KAZN: variants seen among roughly 807,000 people sequenced by gnomAD.
KAZN encodes kazrin, periplakin interacting protein.
A neutral mutation model predicts 87.4 loss-of-function variants in KAZN; 40 were observed. The observed-to-expected ratio is 0.46, with a 90% CI of 0.36 to 0.60. The LOEUF is 0.60. Ranked by LOEUF, KAZN falls within the 20% of genes least tolerant of loss-of-function variation. KAZN has a pLI of 0.00. For missense variants in KAZN, 898 were observed against 1,073.9 expected (o/e 0.84, Z 2.29); for synonymous variants, 466 against 458.3 (o/e 1.02, Z -0.22).
intron 1 of KAZN, among the ~76,000 whole-genome samples, chr1:14,114,030 C>T (rs1644556376): frequency 6.6e-6 from 1 of 152,170 alleles, no homozygotes; most frequent in South Asian, 2.1e-4. Flanking sequence ...CAGGGGAGGG[C>T]ACTCTTCTCT....
chr1:14,475,095 T>C (rs1668647600), intron 2 of KAZN, among the ~76,000 whole-genome samples: 1 of 151,940 alleles, frequency 6.6e-6, no homozygotes, highest in Admixed American at 6.6e-5. Context: ...ATTGGATGCA[T>C]AGATGACGGA....
chr1:14,793,374 G>A (rs1012219438), intron 1 of KAZN, among the ~76,000 whole-genome samples: 35 of 152,272 alleles, frequency 2.3e-4, no homozygotes, highest in African/African-American at 7.2e-4. Context: ...GTGCTTCGTG[G>A]CTGACTTCTG....
intron 2 of KAZN, among the ~76,000 whole-genome samples, chr1:14,291,634 C>T (rs575853265): frequency 6.6e-6 from 1 of 152,302 alleles, no homozygotes; most frequent in African/African-American, 2.4e-5. Context: ...TGACCCCTTG[C>T]ACTTCCTGGG....
At chr1:14,122,382 C>T (rs1644770480) in intron 1 of KAZN, among the ~76,000 whole-genome samples, 1 of 152,162 alleles carries the variant, frequency 6.6e-6, no homozygotes, top group African/African-American at 2.4e-5. Context: ...CCTGGAGCCA[C>T]TTTTGGATCT....
intron 2 of KAZN, among the ~76,000 whole-genome samples, chr1:14,301,575 C>A (rs1557626197): frequency 6.6e-6 from 1 of 152,222 alleles, no homozygotes; most frequent in Non-Finnish European, 1.5e-5. Flanking sequence ...TTTGACAAGG[C>A]GGCTCTGCCT....
chr1:14,100,315 C>T (rs1027896218), intron 1 of KAZN, among the ~76,000 whole-genome samples: 7 of 152,266 alleles, frequency 4.6e-5, no homozygotes, highest in East Asian at 1.9e-4. Flanking sequence ...ATCCGCAGCT[C>T]GACCTCAGAT....
At chr1:14,390,267 C>T (rs1294792922) in intron 2 of KAZN, among the ~76,000 whole-genome samples, 1 of 152,122 alleles carries the variant, frequency 6.6e-6, no homozygotes. Flanking sequence ...GGCTCTTGTA[C>T]ATCTGGAGCT....
chr1:14,815,460 C>G (rs912183440), intron 1 of KAZN, among the ~76,000 whole-genome samples: 2 of 152,128 alleles, frequency 1.3e-5, no homozygotes, highest in Non-Finnish European at 2.9e-5. Flanking sequence ...TGATAATCTT[C>G]CAACAACCCT....
intron 10 of KAZN, among the ~76,000 whole-genome samples, chr1:15,097,929 G>A: frequency 6.6e-6 from 1 of 152,190 alleles, no homozygotes; most frequent in Admixed American, 6.5e-5. Flanking sequence ...TGCTGCCTTT[G>A]TGTTAAAAAC....
chr1:14,928,252 C>A (rs1026410246), intron 1 of KAZN, among the ~76,000 whole-genome samples: 2 of 152,086 alleles, frequency 1.3e-5, no homozygotes, highest in South Asian at 4.1e-4. Context: ...AGATCGAGAC[C>A]ATCCTGGCTA....
intron 2 of KAZN, among the ~76,000 whole-genome samples, chr1:14,977,147 C>T (rs982842524): frequency 2.6e-5 from 4 of 152,232 alleles, no homozygotes; most frequent in Admixed American, 2.6e-4. Context: ...GCGGTGATTC[C>T]CCTGGGAGGG....
chr1:14,772,099 A>C (rs1645035763), intron 1 of KAZN, among the ~76,000 whole-genome samples: 1 of 152,132 alleles, frequency 6.6e-6, no homozygotes. Flanking sequence ...GGTCTATCTC[A>C]GGCTTTCTCT....
intron 1 of KAZN, among the ~76,000 whole-genome samples, chr1:14,148,220 T>C (rs11586283): frequency 0.4 from 61,344 of 151,532 alleles, 12,736 homozygotes; most frequent in Middle Eastern, 0.5. Context: ...AAACACAAAC[T>C]TGAGGTGCTA....
chr1:14,259,526 C>G (rs544539753), intron 2 of KAZN, among the ~76,000 whole-genome samples: 4 of 152,186 alleles, frequency 2.6e-5, no homozygotes, highest in African/African-American at 9.6e-5. Flanking sequence ...AGCCTCACCC[C>G]CCAAGTGGCC....
At chr1:14,855,681 T>C (rs1650015820) in intron 1 of KAZN, among the ~76,000 whole-genome samples, 1 of 152,228 alleles carries the variant, frequency 6.6e-6, no homozygotes, top group Non-Finnish European at 1.5e-5. Context: ...TAGCTCATAT[T>C]GAACTGCTCC....
intron 2 of KAZN, among the ~76,000 whole-genome samples, chr1:14,364,256 G>C (rs775165347): frequency 1.3e-5 from 2 of 152,092 alleles, no homozygotes; most frequent in African/African-American, 2.4e-5. Context: ...GAGTCACTGG[G>C]TTAAAACTCC....
intron 2 of KAZN, among the ~76,000 whole-genome samples, chr1:14,544,699 A>G (rs1673032144): frequency 6.6e-6 from 1 of 151,810 alleles, no homozygotes; most frequent in South Asian, 2.1e-4. Flanking sequence ...ATTAAGGGAA[A>G]CTAAGGATGC....
chr1:13,961,687 G>T (rs1306178060), intron 1 of KAZN, among the ~76,000 whole-genome samples: 1 of 152,164 alleles, frequency 6.6e-6, no homozygotes, highest in African/African-American at 2.4e-5. Context: ...CTACTACTTT[G>T]TTATAGTAGC....
rs1411565662 is a variant in KAZN at position 14,184,458 on chromosome 1, G to C, written c.249+3866G>C. On this transcript the variant is annotated intron_variant, in intron 2 of 16. Transcript: ENST00000636203. This position sits in a 1 kb window ranked among gnomAD's most constrained non-coding sequence, Gnocchi z 4.2. Reference sequence around the variant, plus strand: ...CTTTCTTTCTGTTATTTGTGTTCGGGGAACTGGAAAGCACATTTGCCAAAA... The same window carrying C: ...CTTTCTTTCTGTTATTTGTGTTCGGCGAACTGGAAAGCACATTTGCCAAAA... 6.6e-6 allele frequency among the ~76,000 whole-genome samples: 1 copy of C among 151,992 alleles called. No homozygotes were observed. The highest frequency in any genetic ancestry group is 1.5e-5 in the Non-Finnish European group (1 of 68,006).
Sources: allele counts gnomAD v4.1 joint callset (sites outside exome capture counted in the v4.1 genomes callset), GRCh38; gene constraint gnomAD v4.1.1; non-coding constraint Gnocchi (gnomAD v3.1); transcripts MANE v1.5; gene names NCBI Gene and HGNC (gene_info 2026-07-23, HGNC 2026-07-21).